The following SSH1 variants were observed in gnomAD, a reference collection of about 807,000 sequenced individuals.
SSH1 encodes the protein protein phosphatase Slingshot homolog 1.
Under a neutral mutation model 79.7 loss-of-function variants are expected in SSH1, and 43 were observed. That is an observed-to-expected ratio of 0.54 (90% CI 0.42 to 0.70). SSH1 has a LOEUF of 0.70. SSH1 is among the 30% of genes least tolerant of loss of function. SSH1 has a pLI of 0.00. For missense variants in SSH1, 1,206 were observed against 1,358.8 expected (o/e 0.89, Z 1.77); for synonymous variants, 599 against 538.3 (o/e 1.11, Z -1.56).
intron 3 of SSH1, among the ~76,000 whole-genome samples, chr12:108,820,316 G>T (rs1157131430): frequency 6.6e-6 from 1 of 152,076 alleles, no homozygotes; most frequent in Non-Finnish European, 1.5e-5. Flanking sequence ...GAGCGATTTG[G>T]AGATAAGGGT....
At chr12:108,856,979 C>T (rs1318150657) in intron 1 of SSH1, among the ~76,000 whole-genome samples, 1 of 152,244 alleles carries the variant, frequency 6.6e-6, no homozygotes, top group Non-Finnish European at 1.5e-5. Flanking sequence ...GGGGGTCACA[C>T]CTGAAATCAC....
intron 5 of SSH1, among the ~76,000 whole-genome samples, chr12:108,813,961 C>A (rs936980160): frequency 6.6e-6 from 1 of 151,864 alleles, no homozygotes; most frequent in African/African-American, 2.4e-5. Flanking sequence ...CAGTGGCTCA[C>A]GCCTGTAATC....
In SSH1 at chr12:108,807,813, A is replaced by G; in HGVS notation, c.551T>C (p.Val184Ala). 6.2e-7 allele frequency: 1 copy of G among 1,613,872 alleles called. No homozygotes were observed. Residue 184 changes from valine to alanine, a missense_variant, in exon 8 of 15, where the codon GTG becomes GCG. Physicochemically the swap from Val to Ala is moderately conservative, Grantham distance 64. Coordinates refer to ENST00000326495, the MANE Select transcript of SSH1 (RefSeq NM_018984.4). The surrounding 1 kb of genome is among the most constrained non-coding windows in gnomAD (Gnocchi z 5.2). The stretch of plus-strand genomic sequence containing the variant: ...GGCCACTTCGCAGGCCTTGTGAAGC[A>G]CCTGCAGGGCAGACCTGGGGCGAGG... ...SVQAMWSALQVLHKACEVARR... is the reference protein window; with the variant it reads ...SVQAMWSALQALHKACEVARR...
intron 5 of SSH1, chr12:108,811,624 T>C (rs2037605076): frequency 4.3e-6 from 2 of 466,590 alleles, no homozygotes; most frequent in Non-Finnish European, 4.0e-6. Flanking sequence ...GGAGGCCACA[T>C]GTGTACTTGG....
At chr12:108,850,703 G>A (rs911970543) in intron 2 of SSH1, among the ~76,000 whole-genome samples, 2 of 105,588 alleles carry the variant, frequency 1.9e-5, no homozygotes, top group Non-Finnish European at 3.9e-5. Context: ...GGATTTGGGG[G>A]AGGGAAGCTT....
At chr12:108,792,061 T>A in intron 14 of SSH1, 3 of 1,441,866 alleles carry the variant, frequency 2.1e-6, no homozygotes, top group Non-Finnish European at 2.7e-6. Flanking sequence ...GATTCTCAAT[T>A]TGCTATATAA....
At chr12:108,798,014 C>T (rs977034500) in intron 13 of SSH1, among the ~76,000 whole-genome samples, 2 of 152,228 alleles carry the variant, frequency 1.3e-5, no homozygotes, top group South Asian at 4.1e-4. Flanking sequence ...CCCTCTGAGG[C>T]CTTAGGGTCA....
At chr12:108,838,490 G>T (rs2038694212) in intron 2 of SSH1, among the ~76,000 whole-genome samples, 1 of 152,314 alleles carries the variant, frequency 6.6e-6, no homozygotes, top group South Asian at 2.1e-4. Context: ...GAACAGCAGG[G>T]GCTGACCTGC....
intron 2 of SSH1, among the ~76,000 whole-genome samples, chr12:108,824,431 G>A (rs2038237736): frequency 6.6e-6 from 1 of 151,506 alleles, no homozygotes; most frequent in Non-Finnish European, 1.5e-5. Flanking sequence ...CTCCAGCCTG[G>A]GCGACAGAGC....
chr12:108,790,942 G>A (rs892991768), intron 14 of SSH1, among the ~76,000 whole-genome samples: 5 of 152,166 alleles, frequency 3.3e-5, no homozygotes, highest in African/African-American at 4.8e-5. Flanking sequence ...CCATGGAGGA[G>A]GGAAAAGGTT....
chr12:108,799,744 C>CA lies in SSH1; in HGVS notation c.1149-545dup, dbSNP rs527841544. Among the ~76,000 whole-genome samples the CA allele has an allele frequency of 1.1e-4, 16 of 151,572 alleles. 1 individual carries two copies. Among genetic ancestry groups the CA allele is most frequent in the South Asian group, 2.1e-4 (1 of 4,798 alleles). ...CAGGGAGCAGGAGTAAGGGCGGCCGCAAAAAAAAGCCAGGAGTGGAAGATG... is the reference window on the plus strand; with the variant it reads ...CAGGGAGCAGGAGTAAGGGCGGCCGCAAAAAAAAAGCCAGGAGTGGAAGATG... On this transcript the variant is annotated intron_variant, in intron 12 of 14. Coordinates refer to ENST00000326495, the MANE Select transcript of SSH1 (RefSeq NM_018984.4).
At chr12:108,848,067 G>C (rs2038939106) in intron 2 of SSH1, among the ~76,000 whole-genome samples, 1 of 152,192 alleles carries the variant, frequency 6.6e-6, no homozygotes, top group South Asian at 2.1e-4. Context: ...CATGCGAGAG[G>C]GGAGGGTGGA....
At chr12:108,827,137 G>T in intron 2 of SSH1, 2 of 865,868 alleles carry the variant, frequency 2.3e-6, no homozygotes, top group Non-Finnish European at 3.4e-6. Flanking sequence ...CCAAAGCATT[G>T]AAGACAGACA....
intron 11 of SSH1, 33 bp downstream of exon 11, chr12:108,802,289 A>T (rs757670422): frequency 1.2e-6 from 2 of 1,609,358 alleles, no homozygotes; most frequent in Non-Finnish European, 1.7e-6. Flanking sequence ...AGCTGCCTGG[A>T]AGGACAGGGA....
intron 2 of SSH1, among the ~76,000 whole-genome samples, chr12:108,840,525 T>G (rs901375079): frequency 6.6e-6 from 1 of 151,364 alleles, no homozygotes; most frequent in Non-Finnish European, 1.5e-5. Context: ...GGAGCAAGAC[T>G]GTCTCAAAAA....
rs2037340632 is a variant in SSH1 at position 108,807,471 on chromosome 12, C to A, written c.731+162G>T. The A allele has an allele frequency of 1.6e-6, 1 of 626,802 alleles. No individual in the cohort carries two copies. Among genetic ancestry groups the A allele is most frequent in the Non-Finnish European group, 2.8e-6 (1 of 355,140 alleles). 38.8% of individuals were successfully genotyped at this position (626,802 alleles called of 1,614,324 possible). On this transcript the variant is annotated intron_variant, in intron 8 of 14. Coordinates refer to ENST00000326495, the MANE Select transcript of SSH1 (RefSeq NM_018984.4). The surrounding 1 kb of genome is among the most constrained non-coding windows in gnomAD (Gnocchi z 5.2). ...ATGGGACAGGGGCCTGTGTCACAGA[C>A]CCCTGCTTTAAACGCTGGTTCTGAG... is the stretch of plus-strand genomic sequence containing the variant.
At chr12:108,828,196 T>C (rs532869831) in intron 2 of SSH1, among the ~76,000 whole-genome samples, 1 of 152,298 alleles carries the variant, frequency 6.6e-6, no homozygotes, top group African/African-American at 2.4e-5. Context: ...TCTGGAACAA[T>C]TCCTGAAGGA....
At chr12:108,836,900 G>C in intron 2 of SSH1, 1 of 533,736 alleles carries the variant, frequency 1.9e-6, no homozygotes, top group Non-Finnish European at 3.8e-6. Context: ...CTCACACTGA[G>C]GGACACTCTG....
intron 2 of SSH1, among the ~76,000 whole-genome samples, chr12:108,846,344 T>C (rs1223102163): frequency 6.6e-6 from 1 of 151,962 alleles, no homozygotes; most frequent in Non-Finnish European, 1.5e-5. Flanking sequence ...GGGACAATAT[T>C]ATCTCCCCAG....
Sources: gnomAD v4.1 joint callset for allele counts (sites outside exome capture counted in the v4.1 genomes callset) on GRCh38, gnomAD v4.1.1 for gene constraint, Gnocchi (gnomAD v3.1) non-coding constraint, MANE v1.5 for transcripts, NCBI Gene and HGNC (gene_info 2026-07-23, HGNC 2026-07-21) for gene names.